Variants in GON4L observed in about 807,000 individuals in gnomAD.
The protein encoded by GON4L is GON-4-like protein.
A neutral mutation model predicts 211.8 loss-of-function variants in GON4L; 87 were observed. That is an observed-to-expected ratio of 0.41 (90% CI 0.35 to 0.49). The LOEUF (loss-of-function observed/expected upper bound fraction) is 0.49. Ranked by LOEUF, GON4L falls within the 20% of genes least tolerant of loss-of-function variation. GON4L has a pLI of 0.15. For synonymous variants in GON4L, 875 were observed against 962.6 expected, an observed-to-expected ratio of 0.91 and a Z score of 1.68; for missense variants, 2,155 against 2,659.5, an observed-to-expected ratio of 0.81 and a Z score of 4.17.
rs541514082 is a variant in GON4L at position 155,846,810 on chromosome 1, G to A, written c.505+6466C>T. On this transcript the variant is annotated intron_variant, in intron 2 of 31. Coordinates refer to ENST00000368331, the MANE Select transcript of GON4L (RefSeq NM_001282860.2). Reference sequence around the variant, plus strand: ...GTGGATGACTTGAGGTCAGGAGTTCGAGACAGCCTGGCCAACATGGTGAAA... The same window carrying A: ...GTGGATGACTTGAGGTCAGGAGTTCAAGACAGCCTGGCCAACATGGTGAAA... Among the ~76,000 whole-genome samples the A allele has an allele frequency of 2.0e-5, 3 of 151,816 alleles. No homozygotes were observed. The South Asian group carries it at 6.3e-4, about 32-fold the overall frequency.
chr1:155,796,140 T>C (rs1403714649), intron 11 of GON4L, among the ~76,000 whole-genome samples: 2 of 152,098 alleles, frequency 1.3e-5, no homozygotes, highest in South Asian at 2.1e-4. Flanking sequence ...AAGTACAATA[T>C]ATACATAATA....
At chr1:155,756,019 C>G (rs1412826973) in intron 27 of GON4L, among the ~76,000 whole-genome samples, 1 of 151,356 alleles carries the variant, frequency 6.6e-6, no homozygotes, top group Non-Finnish European at 1.5e-5. Context: ...GCAGTGACAA[C>G]CAGTAGACTC....
rs1662400459 is a variant in GON4L, at chr1:155,765,836, C to G, written c.3637G>C (p.Val1213Leu). The G allele has an allele frequency of 2.5e-6, 4 of 1,614,008 alleles. No individual in the cohort carries two copies. The highest frequency in any genetic ancestry group is 1.6e-4 in the Middle Eastern group (1 of 6,084). Residue 1213 changes from valine (V) to leucine (L), a missense_variant, in exon 21 of 32, where the codon GTG (valine) becomes CTG (leucine). Physicochemically the swap from Val to Leu is conservative, Grantham distance 32. Transcript: ENST00000368331. The stretch of plus-strand genomic sequence containing the variant: ...GGGGTGGATGGTATAGGAAGATTCA[C>G]AGAATTGCCAGAAACAATTAAGGGT... The part of the protein sequence containing the change: ...VSPLIVSGNS[V>L]NLPIPSTPED...
chr1:155,753,039 T>C (rs937734623), intron 29 of GON4L, among the ~76,000 whole-genome samples, 165 bp downstream of exon 29: 1 of 152,096 alleles, frequency 6.6e-6, no homozygotes, highest in Non-Finnish European at 1.5e-5. Flanking sequence ...GGCCATATGA[T>C]AGAAAAAGCC....
chr1:155,773,258 G>A, intron 17 of GON4L, 48 bp from the exon 18 acceptor site: 2 of 1,609,020 alleles, frequency 1.2e-6, no homozygotes, highest in African/African-American at 1.3e-5. Context: ...GACAAAAGAG[G>A]GCTTCATAAA....
At position 155,750,623 on chromosome 1, in the gene GON4L, G is replaced by T. The variant is rs1393711101; in HGVS notation, c.6687C>A (p.Asp2229Glu). 5 of 1,585,742 alleles carry T rather than the reference G, an allele frequency of 3.2e-6. No individual in the cohort carries two copies. In the African/African-American group the frequency reaches 5.4e-5, roughly 17 times the overall value. The change falls in exon 32 of 32, where the codon GAC (aspartate) becomes GAA (glutamate). Residue 2229 changes from aspartate to glutamate, a missense_variant. Transcript: ENST00000368331. ...CCTCTTCAGACAGAAGGTCCCCATGGTCAGACAGCTGGTCTGCATTGCTGG... is the reference window on the plus strand; with the variant it reads ...CCTCTTCAGACAGAAGGTCCCCATGTTCAGACAGCTGGTCTGCATTGCTGG... The part of the protein sequence containing the change: ...TSTSNADQLS[D>E]HGDLLSEEEL...
At chr1:155,759,574 CA>C (rs879451384) in intron 24 of GON4L, among the ~76,000 whole-genome samples, 97 of 140,678 alleles carry the variant, frequency 6.9e-4, no homozygotes, top group East Asian at 4.3e-3. Context: ...AACTCCATCT[CA>C]AAAAAAAAAA....
chr1:155,832,806 G>A (rs1216231402), intron 2 of GON4L: 1 of 152,020 alleles, frequency 6.6e-6, no homozygotes, highest in African/African-American at 2.4e-5. Context: ...TTACTTAAAA[G>A]AAAGTAAAAC....
chr1:155,829,018 G>A (rs968644422), intron 2 of GON4L, among the ~76,000 whole-genome samples: 1 of 152,012 alleles, frequency 6.6e-6, no homozygotes, highest in African/African-American at 2.4e-5. Flanking sequence ...CCTAGTTTGT[G>A]TATTACTTAG....
chr1:155,753,303 C>T lies in GON4L; in HGVS notation c.5743G>A (p.Asp1915Asn). The T allele has an allele frequency of 6.2e-7, 1 of 1,613,794 alleles. No homozygotes were observed. Among genetic ancestry groups the T allele is most frequent in the Non-Finnish European group, 8.5e-7 (1 of 1,179,828 alleles). ...PGAKEAGQGK[D>N]MMEEEAPEER... Reference sequence around the variant, plus strand: ...TCTGGGGCTTCCTCTTCCATCATATCCTTGCCCTGCCCAGCTTCCTTAGCA... The same window carrying T: ...TCTGGGGCTTCCTCTTCCATCATATTCTTGCCCTGCCCAGCTTCCTTAGCA... Residue 1915 changes from aspartate to asparagine, a missense_variant, in exon 29 of 32, where the codon GAT (aspartate) becomes AAT (asparagine). Transcript: ENST00000368331.
At chr1:155,782,679 TTTTA>T (rs1338113072) in intron 14 of GON4L, among the ~76,000 whole-genome samples, 6 of 152,098 alleles carry the variant, frequency 3.9e-5, no homozygotes, top group African/African-American at 1.4e-4. Context: ...TTTTATTTTA[TTTTA>T]TTTTTTTGAG....
intron 19 of GON4L, among the ~76,000 whole-genome samples, chr1:155,767,957 T>C (rs1376334021): frequency 6.6e-6 from 1 of 152,002 alleles, no homozygotes. Context: ...CAAATGGTGG[T>C]GTGAAAGGCA....
In GON4L at chr1:155,765,497, T is replaced by G; in HGVS notation, c.3976A>C (p.Lys1326Gln). The change falls in exon 21 of 32, where the codon AAG (lysine) becomes CAG (glutamine). Residue 1326 changes from lysine to glutamine, a missense_variant. Lys to Gln is a moderately conservative substitution (Grantham distance 53). Coordinates refer to ENST00000368331, the MANE Select transcript of GON4L (RefSeq NM_001282860.2). ...TCTCTAGCTTCTTCAGGTTCCATCT[T>G]GACAATTTCCTCTAAATCCCCAGGG... Reference protein sequence around the residue: ...PTPGDLEEIVKMEPEEAREEI... With the variant: ...PTPGDLEEIVQMEPEEAREEI... 2 of 1,614,152 alleles carry G rather than the reference T, an allele frequency of 1.2e-6. No homozygotes were observed. Among genetic ancestry groups the G allele is most frequent in the South Asian group, 1.1e-5 (1 of 91,082 alleles).
rs376638282 is a variant in GON4L, at chr1:155,766,169, G to T, written c.3304C>A (p.Leu1102Met). 7.1e-5 allele frequency: 115 copies of T among 1,614,112 alleles called. No homozygotes were observed. Among genetic ancestry groups the T allele is most frequent in the East Asian group, 4.7e-4 (21 of 44,872 alleles). The change falls in exon 21 of 32, where the codon CTG becomes ATG. Residue 1102 changes from leucine to methionine, a missense_variant. By Grantham distance (15) the Leu-to-Met change is conservative. Coordinates refer to ENST00000368331, the MANE Select transcript of GON4L (RefSeq NM_001282860.2). ...AACTTAGAAGGGGCAAGGGAGGGCA[G>T]CATTACCTTGGGCACAGGGGCAGAA... is the stretch of plus-strand genomic sequence containing the variant. Reference protein sequence around the residue: ...LSSAPVPKVMLPSLAPSKFRK... With the variant: ...LSSAPVPKVMMPSLAPSKFRK...
intron 20 of GON4L, chr1:155,767,044 C>T (rs1431094092): frequency 1.8e-6 from 1 of 557,270 alleles, no homozygotes; most frequent in East Asian, 3.3e-5. Context: ...GTCTCAAAAA[C>T]AAAACAAAAC....
At chr1:155,819,504 C>T (rs1460164836) in intron 6 of GON4L, among the ~76,000 whole-genome samples, 1 of 152,046 alleles carries the variant, frequency 6.6e-6, no homozygotes, top group Non-Finnish European at 1.5e-5. Context: ...AATCTTCCTA[C>T]CTCCACCTCC....
chr1:155,803,547 T>C (rs1260124549), intron 11 of GON4L, among the ~76,000 whole-genome samples: 1 of 152,174 alleles, frequency 6.6e-6, no homozygotes, highest in East Asian at 1.9e-4. Context: ...CCAGCCTACT[T>C]AGTCTGTTTC....
At chr1:155,854,521 ACTGT>A (rs1208764109) in intron 1 of GON4L, among the ~76,000 whole-genome samples, 2 of 152,146 alleles carry the variant, frequency 1.3e-5, no homozygotes, top group East Asian at 1.9e-4. Flanking sequence ...GTGGAATCAG[ACTGT>A]CTGGATGTTT....
chr1:155,768,287 G>C (rs1386691595), intron 19 of GON4L, among the ~76,000 whole-genome samples: 2 of 135,700 alleles, frequency 1.5e-5, no homozygotes, highest in Non-Finnish European at 3.1e-5. Flanking sequence ...TCCAGCCTGG[G>C]TGACACAGTG....
Sources: gnomAD v4.1 joint callset for allele counts (sites outside exome capture counted in the v4.1 genomes callset) on GRCh38, gnomAD v4.1.1 for gene constraint, MANE v1.5 for transcripts, NCBI Gene and HGNC (gene_info 2026-07-23, HGNC 2026-07-21) for gene names.